Variants in PLXNA1 observed in about 807,000 individuals in gnomAD.
The protein encoded by PLXNA1 is plexin A1, also known as plexin-A1.
Under a neutral mutation model 191.7 loss-of-function variants are expected in PLXNA1, and 77 were observed. That is an observed-to-expected ratio of 0.40 (90% CI 0.33 to 0.49). The LOEUF is 0.49. Ranked by LOEUF, PLXNA1 falls within the 20% of genes least tolerant of loss-of-function variation. The pLI is 0.63. For synonymous variants in PLXNA1, 1,137 were observed against 1,156.4 expected, an observed-to-expected ratio of 0.98 and a Z score of 0.34; for missense variants, 2,110 against 2,660.2, an observed-to-expected ratio of 0.79 and a Z score of 4.55.
At chr3:127,014,929 G>A (rs965818183) in intron 14 of PLXNA1, 98 bp downstream of exon 14, 2 of 1,508,134 alleles carry the variant, frequency 1.3e-6, no homozygotes, top group Non-Finnish European at 1.8e-6. Context: ...GTCTGGCCAT[G>A]CTCTGCCACT....
intron 7 of PLXNA1, among the ~76,000 whole-genome samples, chr3:127,005,686 G>T (rs1054887354): frequency 5.9e-5 from 9 of 152,028 alleles, no homozygotes; most frequent in African/African-American, 1.9e-4. Flanking sequence ...GGTCTTGCGG[G>T]GGGCTGCAGG....
rs1012850520 is a variant in PLXNA1 at position 126,992,183 on chromosome 3, G to T, written c.1377+617G>T. Among the ~76,000 whole-genome samples the T allele has an allele frequency of 3.3e-5, 5 of 152,320 alleles. No homozygotes were observed. In the East Asian group the frequency reaches 7.7e-4, roughly 24 times the overall value. Reference sequence around the variant, plus strand: ...TTCAGGGTTCTCCTTTCCTTCCCCAGAACAGTGGGCTGGACAGAGGCAGTG... The same window carrying T: ...TTCAGGGTTCTCCTTTCCTTCCCCATAACAGTGGGCTGGACAGAGGCAGTG... On this transcript the variant is annotated intron_variant, in intron 3 of 31. Transcript: ENST00000393409.
intron 2 of PLXNA1, 57 bp from the exon 3 acceptor site, chr3:126,991,327 C>G: frequency 6.3e-7 from 1 of 1,591,784 alleles, no homozygotes; most frequent in Non-Finnish European, 8.6e-7. Flanking sequence ...CCAGGGAGGC[C>G]CAGTCCTCCG....
Position 126,994,027 on chromosome 3 carries a change from G to A in PLXNA1, c.1377+2461G>A, listed in dbSNP as rs146449308. Among the ~76,000 whole-genome samples the A allele has an allele frequency of 3.9e-5, 6 of 152,254 alleles. No homozygotes were observed. In the East Asian group the frequency reaches 7.7e-4, roughly 20 times the overall value. On this transcript the variant is annotated intron_variant, in intron 3 of 31. Transcript: ENST00000393409. ...GCCTTGGTGTCTCCTCGTACCATGC[G>A]GACCTGGCATGCTCGTGTGGCCTGG...
intron 3 of PLXNA1, among the ~76,000 whole-genome samples, chr3:126,998,908 G>C (rs1444689309): frequency 6.6e-6 from 1 of 152,196 alleles, no homozygotes; most frequent in South Asian, 2.1e-4. Flanking sequence ...TCCAGCCCTC[G>C]GGCTTCCTGC....
intron 7 of PLXNA1, among the ~76,000 whole-genome samples, chr3:127,005,491 C>T (rs1396697901): frequency 6.6e-6 from 1 of 152,192 alleles, no homozygotes; most frequent in Middle Eastern, 3.2e-3. Context: ...TAGGATTTAT[C>T]TTATGGGCTC....
chr3:127,022,936 C>T lies in PLXNA1; in HGVS notation c.4362+118C>T, dbSNP rs761398132. 8.6e-5 allele frequency: 80 copies of T among 929,952 alleles called. 1 individual carries two copies. Among genetic ancestry groups the T allele is most frequent in the Non-Finnish European group, 1.0e-4 (62 of 590,480 alleles). The allele number at this position is 929,952 out of a possible 1,614,324, so 57.6% of individuals were successfully genotyped here. A position where few individuals can be genotyped will look rare whatever the true frequency, so the allele number is the denominator to read the frequency against. On this transcript the variant is annotated intron_variant, in intron 23 of 31. Transcript: ENST00000393409. Reference sequence around the variant, plus strand: ...GAATGACAGCTGGTGGGGTCTTGGTCGAGTTCTGGCTTGGGCCAAGGCCCC... The same window carrying T: ...GAATGACAGCTGGTGGGGTCTTGGTTGAGTTCTGGCTTGGGCCAAGGCCCC...
In PLXNA1 at chr3:127,029,888, A is replaced by G. The variant is rs929779049; in HGVS notation, c.4885A>G (p.Thr1629Ala). Residue 1629 changes from threonine (T) to alanine (A), a missense_variant, in exon 28 of 32, where the codon ACG becomes GCG. Coordinates refer to ENST00000393409, the MANE Select transcript of PLXNA1 (RefSeq NM_032242.4). ...SLSRYESMLR[T>A]ASSPDSLRSR... ...TGGTGCTGCAGAGAGCATGCTGCGC[A>G]CGGCCAGCAGCCCCGACAGCCTGCG... The G allele has an allele frequency of 4.3e-6, 7 of 1,609,860 alleles. No homozygotes were observed. Among genetic ancestry groups the G allele is most frequent in the Non-Finnish European group, 5.9e-6 (7 of 1,177,546 alleles).
chr3:127,004,802 C>A, intron 5 of PLXNA1, 83 bp from the exon 6 acceptor site: 1 of 1,589,156 alleles, frequency 6.3e-7, no homozygotes. Context: ...GCAAGCCACC[C>A]CGAGTTCTCT....
At position 127,028,297 on chromosome 3, in the gene PLXNA1, C is replaced by T. The variant is rs765001905; in HGVS notation, c.4626C>T (p.Gly1542=). The T allele has an allele frequency of 1.5e-5, 24 of 1,612,514 alleles. No individual in the cohort carries two copies. Among genetic ancestry groups the T allele is most frequent in the African/African-American group, 6.7e-5 (5 of 74,942 alleles). Residue 1542 remains glycine (G), a synonymous_variant, in exon 25 of 32, where the codon GGC becomes GGT. Transcript: ENST00000393409. ...AGCTGCTGGACGCTGCCTACAAGGG[C>T]GTGCCCTACTCCCAGCGGCCCAAGG... ...KEKLLDAAYK[G]VPYSQRPKAA...
At chr3:127,012,592 G>T (rs1450426700) in intron 10 of PLXNA1, among the ~76,000 whole-genome samples, 7 of 152,254 alleles carry the variant, frequency 4.6e-5, no homozygotes, top group African/African-American at 1.2e-4. Context: ...GTGCCAGAGC[G>T]CATGGCTCCG....
chr3:127,021,028 G>T (rs2079149868), intron 21 of PLXNA1, among the ~76,000 whole-genome samples: 1 of 152,236 alleles, frequency 6.6e-6, no homozygotes, highest in Non-Finnish European at 1.5e-5. Flanking sequence ...ACGGCCAGGG[G>T]CTCGGCAGGT....
chr3:127,023,424 A>G (rs1480670806), intron 23 of PLXNA1, among the ~76,000 whole-genome samples: 1 of 152,164 alleles, frequency 6.6e-6, no homozygotes, highest in East Asian at 1.9e-4. Flanking sequence ...TCTCTTGGAA[A>G]TCTGAAGGCC....
chr3:127,012,741 C>A (rs998897176), intron 10 of PLXNA1, among the ~76,000 whole-genome samples: 5 of 152,278 alleles, frequency 3.3e-5, no homozygotes, highest in Non-Finnish European at 7.3e-5. Flanking sequence ...CTGTCAGGTG[C>A]AGTGCGTTCA....
intron 3 of PLXNA1, among the ~76,000 whole-genome samples, chr3:126,995,341 G>A (rs1359234359): frequency 1.3e-5 from 2 of 152,202 alleles, no homozygotes; most frequent in Non-Finnish European, 2.9e-5. Context: ...GCCATGTCAG[G>A]AGCTCACAGG....
At chr3:126,983,549 AGAGACCGCACCCCCGTGCGGCGGGGCT>A (rs1337480719) in intron 1 of PLXNA1, among the ~76,000 whole-genome samples, 1 of 145,740 alleles carries the variant, frequency 6.9e-6, no homozygotes, top group Non-Finnish European at 1.5e-5. Context: ...GCCGACGCGG[AGAGACCGCACCCCCGTGCGGCGGGGCT>A]GGGACCGCGG....
At chr3:126,989,872 T>A in intron 2 of PLXNA1, 85 bp downstream of exon 2, 1 of 1,189,144 alleles carries the variant, frequency 8.4e-7, no homozygotes, top group Non-Finnish European at 1.2e-6. Flanking sequence ...CGCCCAGTGG[T>A]GCCTGCTGTG....
At chr3:126,990,233 G>T (rs1304000432) in intron 2 of PLXNA1, among the ~76,000 whole-genome samples, 2 of 152,232 alleles carry the variant, frequency 1.3e-5, no homozygotes, top group South Asian at 4.1e-4. Flanking sequence ...CCTATCAGGT[G>T]AGCCCAGACA....
chr3:126,997,787 A>G (rs1246624070), intron 3 of PLXNA1, among the ~76,000 whole-genome samples: 1 of 152,214 alleles, frequency 6.6e-6, no homozygotes, highest in African/African-American at 2.4e-5. Context: ...AGTGGCTGGC[A>G]GGGCCACCCA....
Sources: allele counts gnomAD v4.1 joint callset (sites outside exome capture counted in the v4.1 genomes callset), GRCh38; gene constraint gnomAD v4.1.1; transcripts MANE v1.5; gene names NCBI Gene and HGNC (gene_info 2026-07-23, HGNC 2026-07-21).